CNBD1: variants seen among roughly 807,000 people sequenced by gnomAD.
CNBD1 encodes the protein cyclic nucleotide-binding domain-containing protein 1.
A neutral mutation model predicts 54.4 loss-of-function variants in CNBD1; 71 were observed. That is an observed-to-expected ratio of 1.30 (90% confidence interval 1.08 to 1.59). CNBD1 has a LOEUF of 1.59. CNBD1 is among the 40% of genes most tolerant of loss of function. The pLI, the probability that CNBD1 is intolerant of heterozygous loss-of-function variation, is 0.00. For missense variants in CNBD1, 659 were observed against 518.0 expected, an observed-to-expected ratio of 1.27 and a Z score of -2.64; for synonymous variants, 182 against 170.7, an observed-to-expected ratio of 1.07 and a Z score of -0.51.
At chr8:87,230,993 C>T (rs1814676938) in intron 5 of CNBD1, among the ~76,000 whole-genome samples, 1 of 152,022 alleles carries the variant, frequency 6.6e-6, no homozygotes, top group Admixed American at 6.6e-5. Context: ...TTTAAAGTCT[C>T]AGGAAACTTA....
At chr8:87,040,295 A>C (rs1046151851) in intron 4 of CNBD1, among the ~76,000 whole-genome samples, 20 of 152,246 alleles carry the variant, frequency 1.3e-4, no homozygotes, top group Non-Finnish European at 5.9e-5. Context: ...TGGAGATTAA[A>C]AGCAAGATGG....
intron 6 of CNBD1, among the ~76,000 whole-genome samples, chr8:87,274,018 G>T (rs1221747786): frequency 2.0e-5 from 3 of 149,826 alleles, no homozygotes. Flanking sequence ...AGAATATGCG[G>T]TGTTTGGTTT....
Position 87,041,798 on chromosome 8 carries a change from C to A in CNBD1, c.431+102044C>A, listed in dbSNP as rs190323842. 5.6e-3 allele frequency among the ~76,000 whole-genome samples: 854 copies of A among 151,656 alleles called. 17 individuals carry two copies. Among genetic ancestry groups the A allele is most frequent in the African/African-American group, 0.02 (815 of 41,328 alleles). ...CGAGCGACAGAGCAAGACTCCGTCT[C>A]AAAAAAAATAAGAAAACCATCTATG... is the stretch of plus-strand genomic sequence containing the variant. On this transcript the variant is annotated intron_variant, in intron 4 of 10. Transcript: ENST00000518476.
chr8:87,422,634 G>T (rs7462933), intron 2 of CNBD1, among the ~76,000 whole-genome samples: 86,025 of 151,816 alleles, frequency 0.57, 25,897 homozygotes, highest in African/African-American at 0.77. Flanking sequence ...TTGATCTATA[G>T]CTCTGTTTAG....
intron 2 of CNBD1, among the ~76,000 whole-genome samples, chr8:87,415,856 A>C (rs1319394589): frequency 6.6e-6 from 1 of 152,042 alleles, no homozygotes; most frequent in African/African-American, 2.4e-5. Flanking sequence ...GAAGTATATT[A>C]CCTAAAGTGG....
At chr8:87,376,062 A>T (rs1278608675) in intron 10 of CNBD1, among the ~76,000 whole-genome samples, 1 of 152,094 alleles carries the variant, frequency 6.6e-6, no homozygotes, top group East Asian at 1.9e-4. Flanking sequence ...AGCAGAGATG[A>T]ACTTTTTAGT....
At chr8:86,876,968 A>T (rs897961521) in intron 1 of CNBD1, among the ~76,000 whole-genome samples, 3 of 152,040 alleles carry the variant, frequency 2.0e-5, no homozygotes, top group African/African-American at 7.2e-5. Context: ...AATGTTTAAT[A>T]GTTTGATTCT....
chr8:87,239,985 C>A (rs747901554), intron 6 of CNBD1, among the ~76,000 whole-genome samples: 5 of 151,618 alleles, frequency 3.3e-5, no homozygotes, highest in African/African-American at 1.2e-4. Flanking sequence ...TCCAATTAGT[C>A]TTACAACTTT....
chr8:87,191,567 C>G (rs1384960580), intron 4 of CNBD1, among the ~76,000 whole-genome samples: 2 of 152,146 alleles, frequency 1.3e-5, no homozygotes, highest in African/African-American at 4.8e-5. Context: ...TTCTTATACT[C>G]AGTTTTCATG....
chr8:87,398,707 C>G lies in CNBD1; in HGVS notation c.214-29839C>G, dbSNP rs571261226. Among the ~76,000 whole-genome samples, 10 of 152,042 alleles carry G rather than the reference C, an allele frequency of 6.6e-5. 1 individual carries two copies. ...GCCTATATGGTTGGATATAATTCCT[C>G]TGTCTTAGAAGTTTAAATTCACCAT... On this transcript the variant is annotated intron_variant, in intron 2 of 7. Transcript: ENST00000521593.
At chr8:87,222,200 TAGAC>T (rs1282715173) in intron 5 of CNBD1, among the ~76,000 whole-genome samples, 3 of 151,960 alleles carry the variant, frequency 2.0e-5, no homozygotes, top group Non-Finnish European at 4.4e-5. Flanking sequence ...TATTCCTCAA[TAGAC>T]AGAATTCTAA....
At chr8:87,153,262 T>C (rs546518236) in intron 4 of CNBD1, among the ~76,000 whole-genome samples, 3 of 152,300 alleles carry the variant, frequency 2.0e-5, no homozygotes, top group East Asian at 3.9e-4. Context: ...TGTAATTATT[T>C]TGCTCTCTGA....
At chr8:86,919,152 AG>A (rs1809233918) in intron 3 of CNBD1, among the ~76,000 whole-genome samples, 1 of 152,192 alleles carries the variant, frequency 6.6e-6, no homozygotes, top group Non-Finnish European at 1.5e-5. Context: ...CCCTAACTAT[AG>A]AAGACAAAAC....
At chr8:87,302,009 CA>C (rs1382417977) in intron 8 of CNBD1, among the ~76,000 whole-genome samples, 12 of 152,042 alleles carry the variant, frequency 7.9e-5, no homozygotes, top group Non-Finnish European at 1.8e-4. Flanking sequence ...GCTTACCAAC[CA>C]AAAAAAGTCC....
chr8:87,010,316 G>A (rs73273617), intron 4 of CNBD1, among the ~76,000 whole-genome samples: 4,498 of 151,920 alleles, frequency 0.03, 227 homozygotes, highest in African/African-American at 0.1. Context: ...ATCTCTCCAA[G>A]CTTCAGTCTG....
intron 4 of CNBD1, among the ~76,000 whole-genome samples, chr8:87,113,067 A>G (rs1437711759): frequency 6.6e-6 from 1 of 152,232 alleles, no homozygotes; most frequent in East Asian, 1.9e-4. Flanking sequence ...TGTCCTCTCC[A>G]GAAGCAAAAG....
chr8:87,275,182 T>C (rs1019768018), intron 6 of CNBD1, among the ~76,000 whole-genome samples: 1 of 141,682 alleles, frequency 7.1e-6, no homozygotes, highest in Non-Finnish European at 1.5e-5. Flanking sequence ...CGTAGCCTTG[T>C]AGTATAGTTT....
intron 2 of CNBD1, among the ~76,000 whole-genome samples, chr8:87,418,111 A>G (rs1807865641): frequency 6.6e-6 from 1 of 151,996 alleles, no homozygotes; most frequent in Non-Finnish European, 1.5e-5. Flanking sequence ...CTTGAAAAAG[A>G]ATATGACACA....
chr8:87,223,204 T>A, intron 5 of CNBD1, among the ~76,000 whole-genome samples: 1 of 150,876 alleles, frequency 6.6e-6, no homozygotes, highest in Non-Finnish European at 1.5e-5. Flanking sequence ...CCTTTTTGCT[T>A]TTTGGCTGAA....
Sources: allele counts gnomAD v4.1 joint callset (sites outside exome capture counted in the v4.1 genomes callset), GRCh38; gene constraint gnomAD v4.1.1; transcripts MANE v1.5; gene names NCBI Gene and HGNC (gene_info 2026-07-23, HGNC 2026-07-21).